WWOX: variants seen among roughly 807,000 people sequenced by gnomAD.
The protein encoded by WWOX is WW domain-containing oxidoreductase.
Under a neutral mutation model 46.2 loss-of-function variants are expected in WWOX, and 69 were observed. The observed-to-expected ratio is 1.49, with a 90% CI of 1.23 to 1.82. The LOEUF (loss-of-function observed/expected upper bound fraction) is 1.82. WWOX is among the 40% of genes most tolerant of loss of function. The probability of loss-of-function intolerance (pLI) is 0.00; values close to 1 mark genes in which losing one functional copy is unlikely to be tolerated. For missense variants in WWOX, 919 were observed against 542.6 expected (o/e 1.69, Z -6.89); for synonymous variants, 359 against 202.6 (o/e 1.77, Z -6.56).
At chr16:78,425,199 A>G (rs1271360895) in intron 7 of WWOX, 144 bp downstream of exon 7, 8 of 1,139,108 alleles carry the variant, frequency 7.0e-6, no homozygotes, top group African/African-American at 1.5e-5. Flanking sequence ...TAATTTTTCC[A>G]GGTCTTTTTT....
At chr16:78,919,327 G>C (rs1406024865) in intron 8 of WWOX, among the ~76,000 whole-genome samples, 1 of 151,866 alleles carries the variant, frequency 6.6e-6, no homozygotes, top group Non-Finnish European at 1.5e-5. Context: ...CCAGGATCAA[G>C]CAGAGGGCAA....
intron 8 of WWOX, among the ~76,000 whole-genome samples, chr16:78,962,295 A>C (rs1213712667): frequency 8.9e-6 from 1 of 112,486 alleles, no homozygotes; most frequent in Non-Finnish European, 1.7e-5. Flanking sequence ...GGAGTCAGCA[A>C]GGCATCCTTT....
chr16:78,820,124 T>C (rs140269826), intron 8 of WWOX, among the ~76,000 whole-genome samples: 160 of 152,242 alleles, frequency 1.1e-3, no homozygotes, highest in African/African-American at 3.6e-3. Flanking sequence ...GGCACTCTAG[T>C]AGGCTCTCAG....
intron 8 of WWOX, among the ~76,000 whole-genome samples, chr16:78,515,094 C>G (rs555072882): frequency 6.6e-6 from 1 of 152,226 alleles, no homozygotes; most frequent in South Asian, 2.1e-4. Flanking sequence ...CCTGGTGGTT[C>G]ACGCCTGTAA....
intron 8 of WWOX, among the ~76,000 whole-genome samples, chr16:78,447,452 C>T (rs966248805): frequency 1.3e-5 from 2 of 152,206 alleles, no homozygotes; most frequent in Non-Finnish European, 2.9e-5. Context: ...GCTAAGTAAA[C>T]TGTCTTAGAT....
At chr16:78,452,600 C>G (rs552040178) in intron 8 of WWOX, among the ~76,000 whole-genome samples, 213 of 151,108 alleles carry the variant, frequency 1.4e-3, no homozygotes, top group African/African-American at 5.1e-3. Flanking sequence ...CTCAGCCTCC[C>G]GAGTAGCTGG....
At chr16:78,100,302 G>T in intron 1 of WWOX, 2 of 1,014,468 alleles carry the variant, frequency 2.0e-6, no homozygotes, top group Non-Finnish European at 2.4e-6. Context: ...ATCCAGGCTG[G>T]AGTGCAGGGG....
chr16:78,595,774 AC>A, intron 8 of WWOX, among the ~76,000 whole-genome samples: 1 of 152,166 alleles, frequency 6.6e-6, no homozygotes, highest in East Asian at 1.9e-4. Flanking sequence ...ATCATCTCAA[AC>A]CTTTATTATT....
intron 8 of WWOX, among the ~76,000 whole-genome samples, chr16:78,481,315 C>T (rs1430270259): frequency 6.6e-6 from 1 of 152,134 alleles, no homozygotes; most frequent in Non-Finnish European, 1.5e-5. Context: ...TCTGTGGCCT[C>T]TGTCTCTCTT....
rs1018923791 is a variant in WWOX at position 78,706,560 on chromosome 16, C to G, written c.1056+273808C>G. ...ACTACAAAGAAGCTGCAGGCAGGAA[C>G]AAGAGAGCTCAGCACACTTGGTGCA... On this transcript the variant is annotated intron_variant, in intron 8 of 8. Transcript: ENST00000566780. Among the ~76,000 whole-genome samples the G allele has an allele frequency of 3.3e-5, 5 of 152,312 alleles. No individual in the cohort carries two copies. The East Asian group carries it at 9.7e-4, about 29-fold the overall frequency.
chr16:79,153,019 A>G (rs558788296), intron 8 of WWOX, among the ~76,000 whole-genome samples: 1 of 152,304 alleles, frequency 6.6e-6, no homozygotes, highest in South Asian at 2.1e-4. Context: ...CAGGCAGCTC[A>G]AAAGAGCCGG....
chr16:78,274,781 C>T (rs908544412), intron 5 of WWOX, among the ~76,000 whole-genome samples: 11 of 152,176 alleles, frequency 7.2e-5, no homozygotes, highest in African/African-American at 2.4e-4. Context: ...ATGGCCCCAT[C>T]GTGGTATTCC....
intron 8 of WWOX, among the ~76,000 whole-genome samples, chr16:78,438,501 C>T (rs2083379975): frequency 2.0e-5 from 3 of 151,814 alleles, no homozygotes; most frequent in Non-Finnish European, 4.4e-5. Flanking sequence ...GTAAATACAT[C>T]CTTGCCAGAG....
rs1265455133 is a variant in WWOX, at chr16:78,422,833, A to G, written c.606-2037A>G. Reference sequence around the variant, plus strand: ...CACATATATATACACACACATATATATATATACATATACACACACACACAC... The same window carrying G: ...CACATATATATACACACACATATATGTATATACATATACACACACACACAC... On this transcript the variant is annotated intron_variant, in intron 6 of 8. Coordinates refer to ENST00000566780, the MANE Select transcript of WWOX (RefSeq NM_016373.4). Among the ~76,000 whole-genome samples, 245 of 112,084 alleles carry G rather than the reference A, an allele frequency of 2.2e-3. 25 individuals are homozygous for G. Among genetic ancestry groups the G allele is most frequent in the African/African-American group, 8.4e-3 (224 of 26,666 alleles). The allele number at this position is 112,084 out of a possible 152,430, so 73.5% of individuals were successfully genotyped here.
chr16:78,658,478 T>C (rs1313122797), intron 8 of WWOX, among the ~76,000 whole-genome samples: 2 of 152,138 alleles, frequency 1.3e-5, no homozygotes, highest in Non-Finnish European at 2.9e-5. Flanking sequence ...AACAGAGATT[T>C]ATTCTCTCAC....
chr16:78,410,181 C>T (rs2082645597), intron 6 of WWOX, among the ~76,000 whole-genome samples: 1 of 152,184 alleles, frequency 6.6e-6, no homozygotes, highest in Non-Finnish European at 1.5e-5. Context: ...TGACTGTAAG[C>T]CTCCTGAGGC....
intron 8 of WWOX, among the ~76,000 whole-genome samples, chr16:78,486,860 C>A (rs1331752689): frequency 6.6e-6 from 1 of 152,204 alleles, no homozygotes; most frequent in East Asian, 1.9e-4. Context: ...GCATGAGCCA[C>A]CGCCCCCGAC....
At chr16:78,992,691 A>G (rs1336395859) in intron 8 of WWOX, among the ~76,000 whole-genome samples, 1 of 152,176 alleles carries the variant, frequency 6.6e-6, no homozygotes, top group Admixed American at 6.5e-5. Context: ...CTAACCAACA[A>G]GAAAGATCAC....
At chr16:79,195,445 G>A (rs183246135) in intron 8 of WWOX, among the ~76,000 whole-genome samples, 127 of 152,258 alleles carry the variant, frequency 8.3e-4, no homozygotes, top group African/African-American at 2.8e-3. Context: ...TAGGGAGCTC[G>A]CTTTGGCTGT....
Sources: allele counts gnomAD v4.1 joint callset (sites outside exome capture counted in the v4.1 genomes callset), GRCh38; gene constraint gnomAD v4.1.1; transcripts MANE v1.5; gene names NCBI Gene and HGNC (gene_info 2026-07-23, HGNC 2026-07-21).